The following VAT1L variants were observed in gnomAD, a reference collection of about 807,000 sequenced individuals.
VAT1L encodes putative NADPH-dependent quinone oxidoreductase VAT1L.
A neutral mutation model predicts 44.1 loss-of-function variants in VAT1L; 34 were observed. The observed-to-expected ratio is 0.77, with a 90% confidence interval of 0.59 to 1.03. The LOEUF (loss-of-function observed/expected upper bound fraction) is 1.03. VAT1L is among the 50% of genes least tolerant of loss of function. The pLI, the probability that VAT1L is intolerant of heterozygous loss-of-function variation, is 0.00. For synonymous variants in VAT1L, 253 were observed against 202.2 expected, an observed-to-expected ratio of 1.25 and a Z score of -2.13; for missense variants, 615 against 538.8, an observed-to-expected ratio of 1.14 and a Z score of -1.40.
intron 3 of VAT1L, among the ~76,000 whole-genome samples, chr16:77,834,512 C>CTCTT (rs2016617751): frequency 6.6e-6 from 1 of 152,142 alleles, no homozygotes; most frequent in African/African-American, 2.4e-5. Context: ...TCTATGATCT[C>CTCTT]TCTTTCTTTC....
At chr16:77,824,543 C>A (rs574957121) in intron 2 of VAT1L, among the ~76,000 whole-genome samples, 2 of 151,920 alleles carry the variant, frequency 1.3e-5, no homozygotes, top group East Asian at 2.0e-4. Context: ...ATCATGGGGT[C>A]AGGAGATCGA....
intron 3 of VAT1L, among the ~76,000 whole-genome samples, chr16:77,830,319 C>A (rs2016565616): frequency 6.6e-6 from 1 of 152,174 alleles, no homozygotes; most frequent in Non-Finnish European, 1.5e-5. Context: ...CTCTGGGAAG[C>A]CATACTGTCC....
chr16:77,825,255 C>A lies in VAT1L; in HGVS notation c.373C>A (p.Arg125Ser). The change falls in exon 3 of 9, where the codon CGT (arginine) becomes AGT (serine). Residue 125 changes from arginine to serine, a missense_variant. Coordinates refer to ENST00000302536, the MANE Select transcript of VAT1L (RefSeq NM_020927.3). ...GTTTCCCCATGCCCAGATTGGAGAC[C>A]GTGTCATGGCATTTGTCAATTACAA... ...DSVKGYEIGDRVMAFVNYNAW... is the reference protein window; with the variant it reads ...DSVKGYEIGDSVMAFVNYNAW... 1.2e-6 allele frequency: 2 copies of A among 1,614,074 alleles called. No individual in the cohort carries two copies. The highest frequency in any genetic ancestry group is 2.2e-5 in the South Asian group (2 of 91,074).
At position 77,974,960 on chromosome 16, in the gene VAT1L, C is replaced by T. The variant is rs547541345; in HGVS notation, c.1162-2637C>T. 2.6e-5 allele frequency among the ~76,000 whole-genome samples: 4 copies of T among 152,074 alleles called. No homozygotes were observed. The South Asian group carries it at 6.2e-4, about 24-fold the overall frequency. On this transcript the variant is annotated intron_variant, in intron 8 of 8. Coordinates refer to ENST00000302536, the MANE Select transcript of VAT1L (RefSeq NM_020927.3). ...CAACCACGTGGTGGAAAAGAGGCTA[C>T]GGCCTATCTAGATGGAAAAGCAGAC...
chr16:77,912,779 C>T (rs1283477531), intron 7 of VAT1L, among the ~76,000 whole-genome samples: 1 of 152,122 alleles, frequency 6.6e-6, no homozygotes, highest in Admixed American at 6.5e-5. Context: ...ATGTTTCTTT[C>T]CCACAGTTCT....
intron 2 of VAT1L, among the ~76,000 whole-genome samples, chr16:77,817,641 A>G (rs1000415795): frequency 6.6e-6 from 1 of 152,216 alleles, no homozygotes; most frequent in Non-Finnish European, 1.5e-5. Context: ...GAAATGGGCA[A>G]AAAGGTTTAT....
At chr16:77,948,574 C>G (rs2018000427) in intron 7 of VAT1L, among the ~76,000 whole-genome samples, 1 of 152,278 alleles carries the variant, frequency 6.6e-6, no homozygotes, top group Admixed American at 6.5e-5. Context: ...TTATAGGATA[C>G]TGACACCCCC....
chr16:77,922,056 C>G (rs1187854886), intron 7 of VAT1L, among the ~76,000 whole-genome samples: 1 of 152,138 alleles, frequency 6.6e-6, no homozygotes, highest in East Asian at 1.9e-4. Flanking sequence ...GCCACATATA[C>G]TTTAGAAAAA....
chr16:77,788,874 C>G lies in VAT1L; in HGVS notation c.192C>G (p.Pro64=), dbSNP rs1055518122. 3.8e-6 allele frequency: 6 copies of G among 1,562,604 alleles called. 1 individual carries two copies. Among genetic ancestry groups the G allele is most frequent in the South Asian group, 2.4e-5 (2 of 83,910 alleles). The change falls in exon 1 of 9, where the codon CCC becomes CCG. Residue 64 remains proline, a synonymous_variant. Transcript: ENST00000302536. ...TGCGGCTCTTCAGGAAGGCCATGCC[C>G]GAGCCTCAGGACGGCGAGCTCAAGA... ...NKLRLFRKAM[P]EPQDGELKIR... is the part of the protein sequence containing the mutation.
chr16:77,797,636 T>C (rs1042107760), intron 1 of VAT1L, among the ~76,000 whole-genome samples: 1 of 152,116 alleles, frequency 6.6e-6, no homozygotes, highest in Non-Finnish European at 1.5e-5. Context: ...AGCACTCTCA[T>C]TCAAAGGAGT....
intron 7 of VAT1L, among the ~76,000 whole-genome samples, chr16:77,898,409 G>A (rs1159449225): frequency 6.6e-6 from 1 of 152,250 alleles, no homozygotes; most frequent in South Asian, 2.1e-4. Context: ...ATTATAAAGG[G>A]CTAAAGAGAT....
chr16:77,877,766 T>C (rs2017105318), intron 5 of VAT1L, among the ~76,000 whole-genome samples: 1 of 151,450 alleles, frequency 6.6e-6, no homozygotes, highest in Non-Finnish European at 1.5e-5. Flanking sequence ...GAGGTATAAA[T>C]ATGCAAGCAT....
rs532088140 is a variant in VAT1L, at chr16:77,788,642, C to T, written c.-41C>T. On this transcript the variant is annotated 5_prime_UTR_variant, in exon 1 of 9. Transcript: ENST00000302536. ...CCCACTCCCCCAGCGCCGCAGCCAC[C>T]GCAGCCACCGCAGCCCGTGCGCCCC... 9.1e-6 allele frequency: 14 copies of T among 1,542,852 alleles called. No individual in the cohort carries two copies. In the South Asian group the frequency reaches 1.6e-4, roughly 17 times the overall value.
At position 77,859,604 on chromosome 16, in the gene VAT1L, G is replaced by A. The variant is rs1388451111; in HGVS notation, c.580-3144G>A. Among the ~76,000 whole-genome samples the A allele has an allele frequency of 2.6e-5, 4 of 152,194 alleles. No individual in the cohort carries two copies. The East Asian group carries it at 7.7e-4, about 29-fold the overall frequency. On this transcript the variant is annotated intron_variant, in intron 3 of 8. Transcript: ENST00000302536. ...GAGAAATGTCACTCTGACCACAGAA[G>A]GACTTTTGGAAACAGCCAGGTCAGG...
Position 77,956,772 on chromosome 16 carries a change from T to C in VAT1L, c.1078-15078T>C, listed in dbSNP as rs185060784. ...TAAGAACACTTTGGTTGGCAATGCT[T>C]TCGCAAATAGAATCGCTCTTTTATT... On this transcript the variant is annotated intron_variant, in intron 7 of 8. Coordinates refer to ENST00000302536, the MANE Select transcript of VAT1L (RefSeq NM_020927.3). Among the ~76,000 whole-genome samples the C allele has an allele frequency of 4.6e-5, 7 of 152,314 alleles. No homozygotes were observed. In the East Asian group the frequency reaches 1.2e-3, roughly 25 times the overall value.
chr16:77,979,836 AC>A lies in VAT1L; in HGVS notation c.*2143del, dbSNP rs2018381064. 6.6e-6 allele frequency: 1 copy of A among 152,632 alleles called. No homozygotes were observed. Among genetic ancestry groups the A allele is most frequent in the African/African-American group, 2.4e-5 (1 of 41,444 alleles). 9.5% of individuals were successfully genotyped at this position (152,632 alleles called of 1,614,324 possible). A position where few individuals can be genotyped will look rare whatever the true frequency, so the allele number is the denominator to read the frequency against. ...ATAAGACCAATTTCTGCCATGAAGA[AC>A]CGGGGGACGCAAGTTAATTGTTTAA... On this transcript the variant is annotated 3_prime_UTR_variant, in exon 9 of 9. Transcript: ENST00000302536.
At position 77,884,974 on chromosome 16, in the gene VAT1L, CT is replaced by C. The variant is rs59666286; in HGVS notation, c.1077+175del. ...AATAGTACTTTGGATATAAGAAATA[CT>C]TTAAGCTCTTTGGTGATTTGCAAAC... On this transcript the variant is annotated intron_variant, in intron 7 of 8. Coordinates refer to ENST00000302536, the MANE Select transcript of VAT1L (RefSeq NM_020927.3). The surrounding 1 kb of genome is among the most constrained non-coding windows in gnomAD (Gnocchi z 4.5). Among the ~76,000 whole-genome samples, 5,900 of 152,252 alleles carry C rather than the reference CT, an allele frequency of 0.039. 387 individuals are homozygous for C. Among genetic ancestry groups the C allele is most frequent in the African/African-American group, 0.14 (5,645 of 41,530 alleles).
At chr16:77,897,726 C>T (rs1178271630) in intron 7 of VAT1L, among the ~76,000 whole-genome samples, 2 of 152,198 alleles carry the variant, frequency 1.3e-5, no homozygotes, top group African/African-American at 4.8e-5. Flanking sequence ...CCACCGGCCT[C>T]GGCCTCCCCA....
At chr16:77,900,830 C>T (rs1175710906) in intron 7 of VAT1L, among the ~76,000 whole-genome samples, 2 of 152,078 alleles carry the variant, frequency 1.3e-5, no homozygotes, top group African/African-American at 4.8e-5. Context: ...CCTCTCTGAC[C>T]ACCACTCCCC....
Sources: allele counts gnomAD v4.1 joint callset (sites outside exome capture counted in the v4.1 genomes callset), GRCh38; gene constraint gnomAD v4.1.1; non-coding constraint Gnocchi (gnomAD v3.1); transcripts MANE v1.5; gene names NCBI Gene and HGNC (gene_info 2026-07-23, HGNC 2026-07-21).